The following GAS2 variants were observed in gnomAD, a reference collection of about 807,000 sequenced individuals.
GAS2 encodes growth arrest-specific protein 2.
In GAS2, 20 loss-of-function variants were observed where a neutral mutation model predicts 37.5. The ratio of observed to expected loss-of-function variants is 0.53; its 90% CI spans 0.37 to 0.77. The LOEUF (loss-of-function observed/expected upper bound fraction) is 0.77. GAS2 is among the 30% of genes least tolerant of loss of function. The pLI is 0.00. For missense variants in GAS2, 336 were observed against 373.4 expected, an observed-to-expected ratio of 0.90 and a Z score of 0.82; for synonymous variants, 144 against 132.2, an observed-to-expected ratio of 1.09 and a Z score of -0.61.
chr11:22,635,615 T>C (rs1858811346), intron 1 of GAS2, among the ~76,000 whole-genome samples: 1 of 152,214 alleles, frequency 6.6e-6, no homozygotes, highest in African/African-American at 2.4e-5. Flanking sequence ...GTCCTGCACC[T>C]GTGGCTTATA....
intron 3 of GAS2, 136 bp downstream of exon 3, chr11:22,685,925 C>A (rs1286045878): frequency 4.6e-6 from 3 of 651,038 alleles, no homozygotes; most frequent in Non-Finnish European, 6.9e-6. Context: ...ACAGAGAGTT[C>A]TTTTTAATTA....
intron 7 of GAS2, among the ~76,000 whole-genome samples, chr11:22,803,012 CTCT>C: frequency 6.6e-6 from 1 of 152,210 alleles, no homozygotes; most frequent in East Asian, 1.9e-4. Flanking sequence ...TGTAAGTACA[CTCT>C]ATGATGTTCA....
intron 3 of GAS2, among the ~76,000 whole-genome samples, chr11:22,700,163 G>A (rs533608852): frequency 2.0e-5 from 3 of 152,154 alleles, no homozygotes; most frequent in South Asian, 4.1e-4. Context: ...AGATCCTTGA[G>A]TACATAGTTT....
chr11:22,793,795 G>A (rs2134593637), intron 7 of GAS2, among the ~76,000 whole-genome samples: 1 of 152,284 alleles, frequency 6.6e-6, no homozygotes, highest in East Asian at 1.9e-4. Flanking sequence ...CAAATAATGT[G>A]TAATATGAAA....
chr11:22,651,787 TC>T (rs991802963), intron 1 of GAS2, among the ~76,000 whole-genome samples: 1 of 152,198 alleles, frequency 6.6e-6, no homozygotes, highest in African/African-American at 2.4e-5. Flanking sequence ...TTTAAGCACT[TC>T]TCTGTATTGG....
intron 4 of GAS2, among the ~76,000 whole-genome samples, chr11:22,731,680 A>C (rs1852484180): frequency 6.6e-6 from 1 of 151,808 alleles, no homozygotes; most frequent in African/African-American, 2.4e-5. Context: ...GCATCAGAAA[A>C]AGAATCTATG....
intron 7 of GAS2, among the ~76,000 whole-genome samples, chr11:22,781,227 C>T (rs1470983684): frequency 2.6e-5 from 4 of 152,140 alleles, no homozygotes; most frequent in African/African-American, 7.2e-5. Context: ...CACTTAGCAA[C>T]CAAGAGGAGA....
intron 1 of GAS2, among the ~76,000 whole-genome samples, chr11:22,645,151 A>G (rs1302479695): frequency 2.6e-5 from 4 of 152,144 alleles, no homozygotes; most frequent in Non-Finnish European, 5.9e-5. Flanking sequence ...AACAAGTCTA[A>G]ATTACTGAGA....
chr11:22,726,480 C>T (rs1852224549), intron 4 of GAS2, 47 bp downstream of exon 4: 2 of 1,550,202 alleles, frequency 1.3e-6, no homozygotes, highest in Non-Finnish European at 1.8e-6. Context: ...CGCAAATTAT[C>T]TTTTGTCTTT....
chr11:22,688,414 G>C (rs557236655), intron 3 of GAS2: 1 of 152,006 alleles, frequency 6.6e-6, no homozygotes, highest in South Asian at 2.1e-4. Context: ...AAGCGGGGTC[G>C]GGCCTGGTTA....
At chr11:22,641,634 C>T (rs1253892380) in intron 1 of GAS2, among the ~76,000 whole-genome samples, 3 of 151,904 alleles carry the variant, frequency 2.0e-5, no homozygotes, top group Non-Finnish European at 2.9e-5. Context: ...CTTTTTGATT[C>T]CCTTAACCCT....
chr11:22,805,120 C>T (rs1856825336), intron 7 of GAS2, among the ~76,000 whole-genome samples: 1 of 151,282 alleles, frequency 6.6e-6, no homozygotes, highest in Non-Finnish European at 1.5e-5. Context: ...CGGTCACATA[C>T]CAGAAAAGCA....
At chr11:22,645,813 G>A (rs1848684146) in intron 1 of GAS2, among the ~76,000 whole-genome samples, 1 of 149,824 alleles carries the variant, frequency 6.7e-6, no homozygotes, top group South Asian at 2.1e-4. Context: ...GCAAAAAGCA[G>A]TATTTGTTTT....
chr11:22,717,445 T>C lies in GAS2; in HGVS notation c.268-8847T>C, dbSNP rs111379278. On this transcript the variant is annotated intron_variant, in intron 3 of 7. Transcript: ENST00000454584. ...GTGCTGGGAAGACTGGCAAACCACATGTAGAAGAATGAAACTGGATCTCTG... is the reference window on the plus strand; with the variant it reads ...GTGCTGGGAAGACTGGCAAACCACACGTAGAAGAATGAAACTGGATCTCTG... 1.4e-3 allele frequency among the ~76,000 whole-genome samples: 211 copies of C among 152,150 alleles called. 1 individual carries two copies. The highest frequency in any genetic ancestry group is 4.9e-3 in the African/African-American group (202 of 41,510).
intron 1 of GAS2, among the ~76,000 whole-genome samples, chr11:22,661,578 C>T (rs1848916587): frequency 6.6e-6 from 1 of 152,070 alleles, no homozygotes; most frequent in Non-Finnish European, 1.5e-5. Flanking sequence ...ATCAAGAGAA[C>T]CACAAAGAAG....
At chr11:22,730,130 A>G (rs542577219) in intron 4 of GAS2, among the ~76,000 whole-genome samples, 1 of 151,994 alleles carries the variant, frequency 6.6e-6, no homozygotes, top group South Asian at 2.1e-4. Flanking sequence ...AATATGATAT[A>G]TGATTAACAT....
intron 2 of GAS2, among the ~76,000 whole-genome samples, chr11:22,681,634 T>C (rs1849688360): frequency 6.6e-6 from 1 of 152,182 alleles, no homozygotes; most frequent in Admixed American, 6.5e-5. Flanking sequence ...AATGATTCTC[T>C]GGTGCTAAAA....
chr11:22,731,456 A>G (rs1479774157), intron 4 of GAS2: 1 of 321,012 alleles, frequency 3.1e-6, no homozygotes, highest in Non-Finnish European at 6.2e-6. Flanking sequence ...TAACTTTTAA[A>G]AAAATTTATT....
At chr11:22,800,946 A>G (rs921857724) in intron 7 of GAS2, among the ~76,000 whole-genome samples, 2 of 141,410 alleles carry the variant, frequency 1.4e-5, no homozygotes, top group Non-Finnish European at 3.0e-5. Flanking sequence ...TTACCAATAA[A>G]TGCATATTTT....
Sources: allele counts gnomAD v4.1 joint callset (sites outside exome capture counted in the v4.1 genomes callset), GRCh38; gene constraint gnomAD v4.1.1; transcripts MANE v1.5; gene names NCBI Gene and HGNC (gene_info 2026-07-23, HGNC 2026-07-21).